The following CSMD1 variants were observed in gnomAD, a reference collection of about 807,000 sequenced individuals.
CSMD1 encodes CUB and sushi domain-containing protein 1.
CSMD1 carries 213 observed loss-of-function variants against 417.5 expected under a neutral mutation model. The observed-to-expected ratio is 0.51, with a 90% CI of 0.46 to 0.57. CSMD1 has a LOEUF of 0.57. Ranked by LOEUF, CSMD1 falls within the 20% of genes least tolerant of loss-of-function variation. The pLI is 0.00. For missense variants in CSMD1, 6,923 were observed against 4,529.7 expected, an observed-to-expected ratio of 1.53 and a Z score of -15.17; for synonymous variants, 2,862 against 1,736.8, an observed-to-expected ratio of 1.65 and a Z score of -16.11.
intron 18 of CSMD1, among the ~76,000 whole-genome samples, chr8:3,376,165 G>A (rs1810289879): frequency 6.6e-6 from 1 of 151,794 alleles, no homozygotes; most frequent in Non-Finnish European, 1.5e-5. Context: ...AGAGTAAACA[G>A]TTTTCAAAAA....
Position 4,397,443 on chromosome 8 carries a change from C to G in CSMD1, c.415+22510G>C, listed in dbSNP as rs190185261. 1.7e-3 allele frequency among the ~76,000 whole-genome samples: 262 copies of G among 149,916 alleles called. 2 individuals carry two copies. Among genetic ancestry groups the G allele is most frequent in the African/African-American group, 6.0e-3 (242 of 40,400 alleles). The stretch of plus-strand genomic sequence containing the variant: ...ATTAGGAACATGGAAATGAAGAAAG[C>G]TTCGGGAGATACGTGATCTGTTGCA... On this transcript the variant is annotated intron_variant, in intron 3 of 69. Transcript: ENST00000635120.
intron 30 of CSMD1, among the ~76,000 whole-genome samples, 163 bp from the exon 31 acceptor site, chr8:3,205,783 A>G (rs1356394245): frequency 6.6e-6 from 1 of 152,206 alleles, no homozygotes; most frequent in Non-Finnish European, 1.5e-5. Flanking sequence ...TCATAGAAAG[A>G]CAAAGATTTA....
intron 20 of CSMD1, 86 bp from the exon 21 acceptor site, chr8:3,359,426 TA>T (rs34858861): frequency 0.35 from 178,972 of 507,614 alleles, 6,825 homozygotes; most frequent in East Asian, 0.42. Context: ...GTGCTATTAC[TA>T]AAAAAAAAAA....
intron 5 of CSMD1, among the ~76,000 whole-genome samples, chr8:3,889,773 T>C (rs926312136): frequency 8.6e-5 from 13 of 151,974 alleles, no homozygotes; most frequent in East Asian, 5.8e-4. Context: ...ATGAAAGACA[T>C]AGAGAATTAT....
In CSMD1 at chr8:4,154,213, A is replaced by G. The variant is rs541317040; in HGVS notation, c.416-122114T>C. Among the ~76,000 whole-genome samples, 6 of 152,324 alleles carry G rather than the reference A, an allele frequency of 3.9e-5. No homozygotes were observed. The East Asian group carries it at 7.7e-4, about 20-fold the overall frequency. ...GCCACATCTATTCAGGAAGAATAATATCAAGGTTAGTGTAAGCATACAATG... is the reference window on the plus strand; with the variant it reads ...GCCACATCTATTCAGGAAGAATAATGTCAAGGTTAGTGTAAGCATACAATG... On this transcript the variant is annotated intron_variant, in intron 3 of 69. Coordinates refer to ENST00000635120, the MANE Select transcript of CSMD1 (RefSeq NM_033225.6).
chr8:3,854,869 G>T (rs980495751), intron 5 of CSMD1, among the ~76,000 whole-genome samples: 1 of 152,076 alleles, frequency 6.6e-6, no homozygotes, highest in African/African-American at 2.4e-5. Context: ...ATCCATTTCA[G>T]AGTAAAATAT....
At chr8:4,371,665 TATATC>T (rs1280671941) in intron 3 of CSMD1, among the ~76,000 whole-genome samples, 2 of 152,236 alleles carry the variant, frequency 1.3e-5, no homozygotes, top group Non-Finnish European at 2.9e-5. Flanking sequence ...TTAAAGTTCT[TATATC>T]TTAAAGTTAG....
intron 3 of CSMD1, among the ~76,000 whole-genome samples, chr8:4,202,681 A>T (rs1799729947): frequency 6.6e-6 from 1 of 152,218 alleles, no homozygotes. Flanking sequence ...TAAAACTTTC[A>T]GTGAAAGAGG....
intron 4 of CSMD1, among the ~76,000 whole-genome samples, chr8:4,014,379 A>G (rs941529356): frequency 6.6e-6 from 1 of 152,192 alleles, no homozygotes; most frequent in African/African-American, 2.4e-5. Context: ...AATTATGTCA[A>G]TGCACATAGA....
At chr8:4,131,860 T>A (rs565037999) in intron 3 of CSMD1, among the ~76,000 whole-genome samples, 1 of 147,318 alleles carries the variant, frequency 6.8e-6, no homozygotes, top group East Asian at 2.1e-4. Flanking sequence ...TCTCCCAGGT[T>A]CACGCCATTC....
At chr8:4,197,166 C>T (rs780472304) in intron 3 of CSMD1, among the ~76,000 whole-genome samples, 13 of 152,260 alleles carry the variant, frequency 8.5e-5, no homozygotes, top group East Asian at 5.8e-4. Flanking sequence ...TGTTCTCCTA[C>T]GGTCAAAAAA....
In CSMD1 at chr8:4,881,552, A is replaced by G. The variant is rs1199450741; in HGVS notation, c.85+112780T>C. ...AAGTTAGTTTTTTTTTTTTTTTTTT[A>G]TCTCATTTACGCCTCAATATATTTT... On this transcript the variant is annotated intron_variant, in intron 1 of 69. Transcript: ENST00000635120. Among the ~76,000 whole-genome samples the G allele has an allele frequency of 4.7e-5, 4 of 84,356 alleles. No homozygotes were observed. In the Admixed American group the frequency reaches 4.9e-4, roughly 10 times the overall value. The allele number at this position is 84,356 out of a possible 152,430, so 55.3% of individuals were successfully genotyped here.
chr8:4,068,283 C>T (rs2552109), intron 3 of CSMD1, among the ~76,000 whole-genome samples: 116,274 of 151,958 alleles, frequency 0.77, 44,575 homozygotes, highest in African/African-American at 0.82. Flanking sequence ...GAGAAGTCTA[C>T]TTTGTAGCTG....
chr8:3,200,567 A>G (rs1362956738), intron 32 of CSMD1, among the ~76,000 whole-genome samples: 2 of 150,820 alleles, frequency 1.3e-5, no homozygotes, highest in African/African-American at 2.4e-5. Context: ...TCAAAAAAAA[A>G]TAATAATAAT....
intron 1 of CSMD1, among the ~76,000 whole-genome samples, chr8:4,908,167 C>T (rs1284690179): frequency 6.6e-6 from 1 of 152,100 alleles, no homozygotes; most frequent in African/African-American, 2.4e-5. Context: ...CCTTTCAAAA[C>T]TTTAAATATT....
At chr8:3,435,218 A>G (rs1196303578) in intron 12 of CSMD1, among the ~76,000 whole-genome samples, 1 of 152,240 alleles carries the variant, frequency 6.6e-6, no homozygotes, top group African/African-American at 2.4e-5. Flanking sequence ...CTCAGAGCAC[A>G]GAGCTCCCTG....
chr8:3,537,035 T>C (rs1261541319), intron 10 of CSMD1, among the ~76,000 whole-genome samples: 1 of 152,112 alleles, frequency 6.6e-6, no homozygotes, highest in Non-Finnish European at 1.5e-5. Context: ...GATGGAGTCT[T>C]TCTCTGTTGC....
chr8:4,034,787 C>T (rs1225462344), intron 3 of CSMD1, among the ~76,000 whole-genome samples: 1 of 152,146 alleles, frequency 6.6e-6, no homozygotes, highest in African/African-American at 2.4e-5. Context: ...TTATTAACTG[C>T]TACTGCTAAT....
At chr8:3,259,467 C>T (rs750459536) in intron 26 of CSMD1, among the ~76,000 whole-genome samples, 3 of 152,166 alleles carry the variant, frequency 2.0e-5, no homozygotes, top group African/African-American at 7.2e-5. Flanking sequence ...GCATATCATT[C>T]TTAAGTATTC....
Sources: gnomAD v4.1 joint callset for allele counts (sites outside exome capture counted in the v4.1 genomes callset) on GRCh38, gnomAD v4.1.1 for gene constraint, MANE v1.5 for transcripts, NCBI Gene and HGNC (gene_info 2026-07-23, HGNC 2026-07-21) for gene names.